Variants in GALNT2 observed in about 807,000 individuals in gnomAD.
The protein encoded by GALNT2 is polypeptide N-acetylgalactosaminyltransferase 2, also known as UDP-GalNAc:polypeptide N-acetylgalactosaminyltransferase 2.
Under a neutral mutation model 81.4 loss-of-function variants are expected in GALNT2, and 31 were observed. The ratio of observed to expected loss-of-function variants is 0.38; its 90% CI spans 0.29 to 0.51. GALNT2 has a LOEUF of 0.51. Among genes scored for constraint, GALNT2 ranks in the 20% least tolerant of loss-of-function variants. The pLI is 0.87. For synonymous variants in GALNT2, 303 were observed against 287.4 expected (o/e 1.05, Z -0.55); for missense variants, 629 against 765.7 (o/e 0.82, Z 2.11).
intron 14 of GALNT2, among the ~76,000 whole-genome samples, chr1:230,273,332 G>GC (rs1666201561): frequency 6.6e-6 from 1 of 152,350 alleles, no homozygotes; most frequent in South Asian, 2.1e-4. Flanking sequence ...CAGGTGTGCA[G>GC]CAGGTGGTCA....
At chr1:230,158,364 A>G (rs374216990) in intron 1 of GALNT2, among the ~76,000 whole-genome samples, 3 of 152,218 alleles carry the variant, frequency 2.0e-5, no homozygotes, top group East Asian at 1.9e-4. Flanking sequence ...ACCTGATTAC[A>G]TTATATATGC....
intron 1 of GALNT2, among the ~76,000 whole-genome samples, chr1:230,109,640 C>T (rs1003153926): frequency 1.3e-5 from 2 of 152,172 alleles, no homozygotes; most frequent in African/African-American, 2.4e-5. Flanking sequence ...ACAGCCTGGT[C>T]AACATGGTGA....
At chr1:230,164,165 C>T (rs1052979927) in intron 1 of GALNT2, among the ~76,000 whole-genome samples, 1 of 152,192 alleles carries the variant, frequency 6.6e-6, no homozygotes, top group Non-Finnish European at 1.5e-5. Flanking sequence ...TTGGAAAATC[C>T]CTGGTAAATG....
At position 230,093,563 on chromosome 1, in the gene GALNT2, C is replaced by T. The variant is rs868506378; in HGVS notation, c.126+26157C>T. On this transcript the variant is annotated intron_variant, in intron 1 of 15. Transcript: ENST00000366672. ...GGGAGGCAGCACAGAGTGGTTGTTACGGGGAAGGTTTTCATAAGTGCTGTG... is the reference window on the plus strand; with the variant it reads ...GGGAGGCAGCACAGAGTGGTTGTTATGGGGAAGGTTTTCATAAGTGCTGTG... Among the ~76,000 whole-genome samples the T allele has an allele frequency of 5.6e-4, 85 of 152,168 alleles. 1 individual carries two copies. The highest frequency in any genetic ancestry group is 1.9e-4 in the East Asian group (1 of 5,190).
intron 1 of GALNT2, among the ~76,000 whole-genome samples, chr1:230,177,134 T>C (rs991384807): frequency 6.6e-6 from 1 of 152,244 alleles, no homozygotes; most frequent in Admixed American, 6.5e-5. Flanking sequence ...GCAAGTTGCA[T>C]TTGGAAAAAA....
upstream of GALNT2, among the ~76,000 whole-genome samples, chr1:230,063,055 G>A (rs1352149689): frequency 1.3e-5 from 2 of 152,106 alleles, no homozygotes; most frequent in African/African-American, 2.4e-5. Flanking sequence ...GCTCACACCT[G>A]TAATCCCAGC....
chr1:230,187,761 G>A (rs941803326), intron 2 of GALNT2, among the ~76,000 whole-genome samples: 1 of 152,134 alleles, frequency 6.6e-6, no homozygotes, highest in African/African-American at 2.4e-5. Flanking sequence ...GCTAGAAAGG[G>A]GGTTAAGTGG....
intron 3 of GALNT2, among the ~76,000 whole-genome samples, chr1:230,219,212 C>T (rs1181553367): frequency 6.6e-6 from 1 of 152,222 alleles, no homozygotes; most frequent in Non-Finnish European, 1.5e-5. Context: ...TGCCATGGCC[C>T]TTTAAACCAA....
chr1:230,157,347 G>A (rs879292707), intron 1 of GALNT2, among the ~76,000 whole-genome samples: 1 of 152,186 alleles, frequency 6.6e-6, no homozygotes, highest in Non-Finnish European at 1.5e-5. Context: ...CCAAGTACTG[G>A]CAAGGACATA....
chr1:230,063,844 G>A (rs932853522), upstream of GALNT2, among the ~76,000 whole-genome samples: 3 of 152,086 alleles, frequency 2.0e-5, no homozygotes, highest in Admixed American at 6.5e-5. Flanking sequence ...TGGGGTTTCC[G>A]TTATGCCTAC....
intron 1 of GALNT2, among the ~76,000 whole-genome samples, chr1:230,134,342 C>T (rs1230145576): frequency 1.3e-5 from 2 of 152,138 alleles, no homozygotes; most frequent in African/African-American, 4.8e-5. Flanking sequence ...CTCCTGACCT[C>T]ATGATCCGCC....
chr1:230,263,248 C>CG, intron 13 of GALNT2: 1 of 500,290 alleles, frequency 2.0e-6, no homozygotes, highest in East Asian at 3.5e-5. Flanking sequence ...GGCAGTCCCC[C>CG]GGGCCTCACC....
chr1:230,071,162 A>G (rs1659358918), intron 1 of GALNT2, among the ~76,000 whole-genome samples: 1 of 152,238 alleles, frequency 6.6e-6, no homozygotes, highest in Non-Finnish European at 1.5e-5. Flanking sequence ...AGTTCACGGT[A>G]TTCCTGATAC....
chr1:230,235,492 G>A (rs1664999550), intron 3 of GALNT2, among the ~76,000 whole-genome samples: 1 of 152,146 alleles, frequency 6.6e-6, no homozygotes, highest in African/African-American at 2.4e-5. Context: ...GGCCTTCCAG[G>A]GCAAGGGACA....
chr1:230,164,151 G>A (rs1662524922), intron 1 of GALNT2, among the ~76,000 whole-genome samples: 1 of 152,214 alleles, frequency 6.6e-6, no homozygotes, highest in Non-Finnish European at 1.5e-5. Context: ...ACAATGCCTG[G>A]CACTTGGAAA....
chr1:230,081,527 G>A (rs531288246), intron 1 of GALNT2, among the ~76,000 whole-genome samples: 1 of 152,246 alleles, frequency 6.6e-6, no homozygotes, highest in African/African-American at 2.4e-5. Flanking sequence ...TTTTAATTAG[G>A]AAATGTTCTT....
chr1:230,193,409 G>A lies in GALNT2; in HGVS notation c.221-9728G>A, dbSNP rs1340402916. 5.3e-5 allele frequency among the ~76,000 whole-genome samples: 8 copies of A among 152,152 alleles called. No homozygotes were observed. In the East Asian group the frequency reaches 1.2e-3, roughly 22 times the overall value. ...CCTGATCTGCTGCTGAAGGACAGTC[G>A]CAACTGAGAGTCCTCTAAAGACCGC... On this transcript the variant is annotated intron_variant, in intron 2 of 15. Coordinates refer to ENST00000366672, the MANE Select transcript of GALNT2 (RefSeq NM_004481.5). The surrounding 1 kb of genome is among the most constrained non-coding windows in gnomAD (Gnocchi z 4.3).
chr1:230,137,875 G>T (rs1374984580), intron 1 of GALNT2, among the ~76,000 whole-genome samples: 1 of 152,198 alleles, frequency 6.6e-6, no homozygotes, highest in Non-Finnish European at 1.5e-5. Flanking sequence ...TGTTGACGTT[G>T]TTGGAAATAG....
intron 6 of GALNT2, among the ~76,000 whole-genome samples, chr1:230,242,385 A>T (rs1444037508): frequency 2.0e-5 from 3 of 152,146 alleles, no homozygotes; most frequent in African/African-American, 7.2e-5. Flanking sequence ...CTGAAAACCC[A>T]TTTTGACTGT....
Sources: allele counts gnomAD v4.1 joint callset (sites outside exome capture counted in the v4.1 genomes callset), GRCh38; gene constraint gnomAD v4.1.1; non-coding constraint Gnocchi (gnomAD v3.1); transcripts MANE v1.5; gene names NCBI Gene and HGNC (gene_info 2026-07-23, HGNC 2026-07-21).